Variants in PTPRD observed in about 807,000 individuals in gnomAD.
The protein encoded by PTPRD is protein tyrosine phosphatase receptor type D, also known as receptor-type tyrosine-protein phosphatase delta.
A neutral mutation model predicts 214.5 loss-of-function variants in PTPRD; 34 were observed. That is an observed-to-expected ratio of 0.16 (90% CI 0.12 to 0.21). The LOEUF is 0.21. Among genes scored for constraint, PTPRD ranks in the 10% least tolerant of loss-of-function variants. The pLI, the probability that PTPRD is intolerant of heterozygous loss-of-function variation, is 1.00. For synonymous variants in PTPRD, 1,128 were observed against 845.7 expected, an observed-to-expected ratio of 1.33 and a Z score of -5.79; for missense variants, 2,545 against 2,398.7, an observed-to-expected ratio of 1.06 and a Z score of -1.27.
At chr9:8,816,791 C>T (rs577143765) in intron 11 of PTPRD, among the ~76,000 whole-genome samples, 1 of 152,158 alleles carries the variant, frequency 6.6e-6, no homozygotes, top group Non-Finnish European at 1.5e-5. Flanking sequence ...GAAGTCTCTT[C>T]TTTAGGAATA....
intron 2 of PTPRD, among the ~76,000 whole-genome samples, chr9:10,378,147 T>G (rs2154481260): frequency 6.6e-6 from 1 of 152,208 alleles, no homozygotes; most frequent in African/African-American, 2.4e-5. Flanking sequence ...TTGATTTGCA[T>G]TTCTCTGATG....
At chr9:9,250,013 C>A (rs1255404068) in intron 9 of PTPRD, among the ~76,000 whole-genome samples, 1 of 151,988 alleles carries the variant, frequency 6.6e-6, no homozygotes, top group Non-Finnish European at 1.5e-5. Context: ...AAATTAAATA[C>A]TGTTTGAATA....
intron 3 of PTPRD, among the ~76,000 whole-genome samples, chr9:10,107,215 T>C (rs1039397929): frequency 2.6e-5 from 4 of 151,776 alleles, no homozygotes; most frequent in Non-Finnish European, 5.9e-5. Context: ...CGGTCAGAGA[T>C]GGATATGCAC....
At chr9:8,482,950 A>G (rs1470900349) in intron 30 of PTPRD, among the ~76,000 whole-genome samples, 3 of 152,232 alleles carry the variant, frequency 2.0e-5, no homozygotes. Context: ...TGCTCTTAAG[A>G]TAAAGCATAA....
chr9:10,473,467 A>C (rs1425226592), intron 2 of PTPRD, among the ~76,000 whole-genome samples: 1 of 152,138 alleles, frequency 6.6e-6, no homozygotes, highest in African/African-American at 2.4e-5. Context: ...TATCAATCTC[A>C]TATTCCAACT....
In PTPRD at chr9:9,347,325, T is replaced by C. The variant is rs1158678249; in HGVS notation, c.-203+50124A>G. Among the ~76,000 whole-genome samples the C allele has an allele frequency of 3.3e-5, 5 of 149,906 alleles. No homozygotes were observed. In the East Asian group the frequency reaches 5.8e-4, roughly 18 times the overall value. ...CTCTCTATGTGTATATATATAAATA[T>C]ATATATATATCTATATATCTATATG... On this transcript the variant is annotated intron_variant, in intron 9 of 45. Transcript: ENST00000381196.
At chr9:9,179,690 C>A (rs920422820) in intron 10 of PTPRD, among the ~76,000 whole-genome samples, 3 of 152,022 alleles carry the variant, frequency 2.0e-5, no homozygotes, top group African/African-American at 7.2e-5. Context: ...GAGGAACTGG[C>A]AGGATAATGG....
chr9:8,425,990 C>T (rs369075698), intron 35 of PTPRD, among the ~76,000 whole-genome samples: 34 of 152,218 alleles, frequency 2.2e-4, no homozygotes, highest in African/African-American at 7.5e-4. Flanking sequence ...ATCCTTGTCA[C>T]CCTTTACCTT....
chr9:10,109,546 T>C (rs2098670811), intron 3 of PTPRD, among the ~76,000 whole-genome samples: 3 of 152,302 alleles, frequency 2.0e-5, no homozygotes, highest in East Asian at 1.9e-4. Context: ...CCAGGGCAAA[T>C]ATAATAATCA....
intron 11 of PTPRD, among the ~76,000 whole-genome samples, chr9:8,818,019 G>A (rs1314749319): frequency 3.9e-5 from 6 of 152,076 alleles, no homozygotes; most frequent in Non-Finnish European, 5.9e-5. Flanking sequence ...TATAACTCAC[G>A]GCTTAGTGGG....
At chr9:8,722,681 A>G (rs1223145154) in intron 12 of PTPRD, among the ~76,000 whole-genome samples, 1 of 152,090 alleles carries the variant, frequency 6.6e-6, no homozygotes, top group East Asian at 1.9e-4. Context: ...GTTGACCATC[A>G]CCCTCCAATA....
At chr9:9,931,593 C>A (rs1305708399) in intron 5 of PTPRD, among the ~76,000 whole-genome samples, 1 of 151,992 alleles carries the variant, frequency 6.6e-6, no homozygotes, top group Non-Finnish European at 1.5e-5. Context: ...CGGAGTCTCG[C>A]TGATTGCTAG....
At chr9:9,136,122 C>T (rs1167757612) in intron 10 of PTPRD, among the ~76,000 whole-genome samples, 4 of 152,074 alleles carry the variant, frequency 2.6e-5, no homozygotes, top group African/African-American at 9.7e-5. Flanking sequence ...AAGGTGAATT[C>T]TCAGCTTTTA....
At chr9:9,008,356 T>C (rs925448908) in intron 11 of PTPRD, among the ~76,000 whole-genome samples, 2 of 151,582 alleles carry the variant, frequency 1.3e-5, no homozygotes, top group Non-Finnish European at 2.9e-5. Context: ...GCCTCCCGAG[T>C]AGCTGGGACT....
At chr9:8,698,451 T>C (rs1291100271) in intron 12 of PTPRD, among the ~76,000 whole-genome samples, 1 of 152,224 alleles carries the variant, frequency 6.6e-6, no homozygotes, top group Non-Finnish European at 1.5e-5. Flanking sequence ...GTATCTCCTA[T>C]GATTCATGTT....
At chr9:10,365,160 G>T in intron 2 of PTPRD, among the ~76,000 whole-genome samples, 1 of 151,980 alleles carries the variant, frequency 6.6e-6, no homozygotes, top group East Asian at 1.9e-4. Flanking sequence ...CTTTCTCATG[G>T]CTCCCAGTTC....
At chr9:10,525,302 G>C (rs183722031) in intron 2 of PTPRD, among the ~76,000 whole-genome samples, 238 of 152,070 alleles carry the variant, frequency 1.6e-3, no homozygotes, top group African/African-American at 5.5e-3. Context: ...TCAGATAAAA[G>C]TCTCCCTATA....
intron 8 of PTPRD, among the ~76,000 whole-genome samples, chr9:9,429,554 G>A (rs917626381): frequency 2.0e-5 from 3 of 152,132 alleles, no homozygotes; most frequent in Non-Finnish European, 4.4e-5. Context: ...CATTTTATGA[G>A]GCCAGCATCA....
rs550840974 is a variant in PTPRD at position 10,141,986 on chromosome 9, T to C, written c.-544-108196A>G. Among the ~76,000 whole-genome samples, 640 of 152,244 alleles carry C rather than the reference T, an allele frequency of 4.2e-3. 3 individuals are homozygous for C. Among genetic ancestry groups the C allele is most frequent in the African/African-American group, 0.015 (608 of 41,544 alleles). ...ATAAGGCCGCATATCTACAACTATC[T>C]GATCTTTGACAAACCTGACCAAAAC... On this transcript the variant is annotated intron_variant, in intron 3 of 45. Coordinates refer to ENST00000381196, the MANE Select transcript of PTPRD (RefSeq NM_002839.4).
Sources: allele counts gnomAD v4.1 joint callset (sites outside exome capture counted in the v4.1 genomes callset), GRCh38; gene constraint gnomAD v4.1.1; transcripts MANE v1.5; gene names NCBI Gene and HGNC (gene_info 2026-07-23, HGNC 2026-07-21).